The following SEL1L3 variants were observed in gnomAD, a reference collection of about 807,000 sequenced individuals.
SEL1L3 encodes SEL1L family member 3, also known as protein sel-1 homolog 3.
Under a neutral mutation model 142.8 loss-of-function variants are expected in SEL1L3, and 76 were observed. That is an observed-to-expected ratio of 0.53 (90% CI 0.44 to 0.64). SEL1L3 has a LOEUF of 0.64. Among genes scored for constraint, SEL1L3 ranks in the 30% least tolerant of loss-of-function variants. The pLI is 0.00. For missense variants in SEL1L3, 1,262 were observed against 1,381.7 expected (o/e 0.91, Z 1.37); for synonymous variants, 504 against 519.6 (o/e 0.97, Z 0.41).
intron 14 of SEL1L3, among the ~76,000 whole-genome samples, chr4:25,783,168 C>A (rs528691731): frequency 5.7e-4 from 87 of 152,294 alleles, no homozygotes; most frequent in African/African-American, 2.0e-3. Flanking sequence ...CTTATGGCCC[C>A]ATTTTAGGGT....
chr4:25,800,616 T>C lies in SEL1L3; in HGVS notation c.1956+1667A>G, dbSNP rs144634310. 3.8e-3 allele frequency among the ~76,000 whole-genome samples: 582 copies of C among 152,264 alleles called. 2 individuals carry two copies. Among genetic ancestry groups the C allele is most frequent in the African/African-American group, 0.013 (551 of 41,542 alleles). ...CACATCCAGGCTTAGTTAAAAAAAA[T>C]AGTTTTTTTTGGCTTGGCTTTGTGC... On this transcript the variant is annotated intron_variant, in intron 11 of 23. Coordinates refer to ENST00000399878, the MANE Select transcript of SEL1L3 (RefSeq NM_015187.5).
chr4:25,765,003 GT>G (rs1322231752), intron 20 of SEL1L3, among the ~76,000 whole-genome samples: 2 of 152,068 alleles, frequency 1.3e-5, no homozygotes, highest in Non-Finnish European at 2.9e-5. Context: ...CAAGAGCTGA[GT>G]TTTTTTCTGA....
rs757968661 is a variant in SEL1L3 at position 25,818,185 on chromosome 4, T to C, written c.1517A>G (p.Lys506Arg). ...AFPWEKELKD[K>R]HPSLFQALLE... ...CAATGCCTGGAACAAGCTGGGGTGT[T>C]TGTCTTTCAGCTCCTTCTCCCAGGG... is the stretch of plus-strand genomic sequence containing the variant. The change falls in exon 9 of 24, where the codon AAA becomes AGA. Residue 506 changes from lysine (K) to arginine (R), a missense_variant. Physicochemically the swap from Lys to Arg is conservative, Grantham distance 26. Transcript: ENST00000399878. 1 of 1,609,936 alleles carries C rather than the reference T, an allele frequency of 6.2e-7. No individual in the cohort carries two copies. Among genetic ancestry groups the C allele is most frequent in the Non-Finnish European group, 8.5e-7 (1 of 1,178,178 alleles).
intron 23 of SEL1L3, among the ~76,000 whole-genome samples, chr4:25,752,703 C>A (rs906973286): frequency 1.3e-5 from 2 of 152,206 alleles, no homozygotes; most frequent in African/African-American, 2.4e-5. Flanking sequence ...TCTCTGCAGC[C>A]TCTGCCTCCC....
rs993190452 is a variant in SEL1L3 at position 25,847,669 on chromosome 4, C to G, written c.358G>C (p.Glu120Gln). ...TACACGGGAATGCTACTTCTGAACT[C>G]AGATGAAACAACTGCTTCCAAATTG... is the stretch of plus-strand genomic sequence containing the variant. The part of the protein sequence containing the change: ...VVNLEAVVSS[E>Q]FRSSIPVYKK... The change falls in exon 2 of 24, where the codon GAG (glutamate) becomes CAG (glutamine). Residue 120 changes from glutamate to glutamine, a missense_variant. Physicochemically the swap from Glu to Gln is conservative, Grantham distance 29. This residue lies in a region of SEL1L3 where 689 missense variants were observed against 692.8 expected (regional missense o/e 0.99). Transcript: ENST00000399878. 2 of 1,613,822 alleles carry G rather than the reference C, an allele frequency of 1.2e-6. No homozygotes were observed. The highest frequency in any genetic ancestry group is 2.7e-5 in the African/African-American group (2 of 74,904).
intron 11 of SEL1L3, among the ~76,000 whole-genome samples, chr4:25,793,799 A>G (rs749182285): frequency 6.6e-6 from 1 of 152,198 alleles, no homozygotes; most frequent in Non-Finnish European, 1.5e-5. Flanking sequence ...AAAGAGCTAG[A>G]ATGACCTAGG....
At position 25,747,930 on chromosome 4, in the gene SEL1L3, TAGGTCTTGGAAGTCA is replaced by T. The variant is rs1717345391; in HGVS notation, c.*480_*494del. On this transcript the variant is annotated 3_prime_UTR_variant, in exon 24 of 24. Transcript: ENST00000399878. ...TTATTTCAAGGTGCCTTATAACTGC[TAGGTCTTGGAAGTCA>T]AAGAGAAATCTATCAATTCAGCTTT... is the stretch of plus-strand genomic sequence containing the variant. 1 of 153,250 alleles carries T rather than the reference TAGGTCTTGGAAGTCA, an allele frequency of 6.5e-6. No homozygotes were observed. The highest frequency in any genetic ancestry group is 1.5e-5 in the Non-Finnish European group (1 of 68,496). 9.5% of individuals were successfully genotyped at this position (153,250 alleles called of 1,614,324 possible).
intron 17 of SEL1L3, among the ~76,000 whole-genome samples, chr4:25,770,011 C>T (rs1048705079): frequency 2.6e-5 from 4 of 152,174 alleles, no homozygotes; most frequent in East Asian, 1.9e-4. Flanking sequence ...GCCTGTAATC[C>T]CAGCCACTCG....
chr4:25,841,168 G>A (rs1716143970), intron 2 of SEL1L3, among the ~76,000 whole-genome samples: 1 of 152,080 alleles, frequency 6.6e-6, no homozygotes, highest in Non-Finnish European at 1.5e-5. Flanking sequence ...AAGTAGCTGG[G>A]ACCACAGATG....
intron 9 of SEL1L3, among the ~76,000 whole-genome samples, chr4:25,815,563 T>G (rs1482173773): frequency 6.6e-6 from 1 of 152,192 alleles, no homozygotes; most frequent in Non-Finnish European, 1.5e-5. Context: ...CTGTTCCCAA[T>G]CAGCACAACT....
At chr4:25,826,417 A>C (rs1715098753) in intron 6 of SEL1L3, among the ~76,000 whole-genome samples, 1 of 152,202 alleles carries the variant, frequency 6.6e-6, no homozygotes, top group Non-Finnish European at 1.5e-5. Flanking sequence ...GGGAACACCT[A>C]TAACCAGTAA....
At chr4:25,798,164 T>C (rs984857910) in intron 11 of SEL1L3, among the ~76,000 whole-genome samples, 3 of 152,132 alleles carry the variant, frequency 2.0e-5, no homozygotes, top group Non-Finnish European at 4.4e-5. Flanking sequence ...GCTAGACTTA[T>C]TCTTCTGGGT....
intron 11 of SEL1L3, among the ~76,000 whole-genome samples, chr4:25,791,638 T>C (rs1178252726): frequency 2.0e-5 from 3 of 152,102 alleles, no homozygotes; most frequent in African/African-American, 7.2e-5. Flanking sequence ...CTGATTTTCT[T>C]TGTTAGTTAA....
intron 6 of SEL1L3, among the ~76,000 whole-genome samples, chr4:25,825,666 ATTTTTTTTTTT>A (rs33997941): frequency 5.4e-5 from 4 of 74,026 alleles, no homozygotes; most frequent in East Asian, 4.6e-4. Flanking sequence ...TCTAAATTCT[ATTTTTTTTTTT>A]TTTTTTTTTT....
intron 1 of SEL1L3, among the ~76,000 whole-genome samples, chr4:25,856,483 A>G (rs6844196): frequency 0.036 from 5,515 of 152,104 alleles, 342 homozygotes; most frequent in African/African-American, 0.13. Context: ...GAGCCCTCAA[A>G]TATGTTTATA....
chr4:25,777,096 G>A (rs1317492789), intron 16 of SEL1L3, among the ~76,000 whole-genome samples: 2 of 151,850 alleles, frequency 1.3e-5, no homozygotes, highest in Admixed American at 6.6e-5. Flanking sequence ...CTGCTTACAA[G>A]AGCCATGCAT....
chr4:25,803,471 GA>G lies in SEL1L3; in HGVS notation c.1777-1010del, dbSNP rs531320608. Among the ~76,000 whole-genome samples the G allele has an allele frequency of 1.5e-4, 23 of 152,308 alleles. 1 individual carries two copies. The highest frequency in any genetic ancestry group is 2.9e-4 in the Non-Finnish European group (20 of 68,016). On this transcript the variant is annotated intron_variant, in intron 10 of 23. Coordinates refer to ENST00000399878, the MANE Select transcript of SEL1L3 (RefSeq NM_015187.5). ...CAATCACCTATGCAAATTTGAAAACGAAAAGCAATCAGGGAACATTTAGCAG... is the reference window on the plus strand; with the variant it reads ...CAATCACCTATGCAAATTTGAAAACGAAAGCAATCAGGGAACATTTAGCAG...
intron 14 of SEL1L3, among the ~76,000 whole-genome samples, chr4:25,783,016 A>T (rs1711536872): frequency 6.6e-6 from 1 of 152,230 alleles, no homozygotes; most frequent in Non-Finnish European, 1.5e-5. Flanking sequence ...TCAGGCCATG[A>T]CTATTCCAGA....
In SEL1L3 at chr4:25,847,511, T is replaced by A. The variant is rs375241463; in HGVS notation, c.516A>T (p.Ile172=). 3 of 1,613,836 alleles carry A rather than the reference T, an allele frequency of 1.9e-6. No individual in the cohort carries two copies. Among genetic ancestry groups the A allele is most frequent in the Non-Finnish European group, 2.5e-6 (3 of 1,179,724 alleles). The part of the protein sequence containing the change: ...IRHSISVSAV[I]VRAWITHKYS... ...ATTTGTGAGTAATCCAGGCGCGTACTATCACTGCAGATACAGAGATGGAAT... is the reference window on the plus strand; with the variant it reads ...ATTTGTGAGTAATCCAGGCGCGTACAATCACTGCAGATACAGAGATGGAAT... Residue 172 remains isoleucine (I), a synonymous_variant, in exon 2 of 24, where the codon ATA becomes ATT. Coordinates refer to ENST00000399878, the MANE Select transcript of SEL1L3 (RefSeq NM_015187.5).
Sources: gnomAD v4.1 joint callset for allele counts (sites outside exome capture counted in the v4.1 genomes callset) on GRCh38, gnomAD v4.1.1 for gene constraint, gnomAD v4.1.1 regional missense constraint, MANE v1.5 for transcripts, NCBI Gene and HGNC (gene_info 2026-07-23, HGNC 2026-07-21) for gene names.